PCDH15: variants seen among roughly 807,000 people sequenced by gnomAD.
PCDH15 encodes protocadherin related 15.
In PCDH15, 129 loss-of-function variants were observed where a neutral mutation model predicts 178.5. The observed-to-expected ratio is 0.72, with a 90% CI of 0.63 to 0.84. PCDH15 has a LOEUF of 0.84. Ranked by LOEUF, PCDH15 falls within the 40% of genes least tolerant of loss-of-function variation. The pLI, the probability that PCDH15 is intolerant of heterozygous loss-of-function variation, is 0.00. For missense variants in PCDH15, 2,230 were observed against 2,099.9 expected (o/e 1.06, Z -1.21); for synonymous variants, 800 against 732.0 (o/e 1.09, Z -1.50).
chr10:54,943,864 GA>G (rs397933136), intron 2 of PCDH15, among the ~76,000 whole-genome samples: 66 of 144,852 alleles, frequency 4.6e-4, no homozygotes, highest in East Asian at 1.4e-3. Context: ...TCCTTGGCTA[GA>G]AAAAAAAAAA....
intron 1 of PCDH15, among the ~76,000 whole-genome samples, chr10:55,264,026 C>A (rs10825489): frequency 6.6e-6 from 1 of 152,020 alleles, no homozygotes; most frequent in East Asian, 2.0e-4. Flanking sequence ...GAGCCACCGC[C>A]CCGGGCCTGT....
At chr10:54,864,140 T>A (rs146467277) in intron 3 of PCDH15, among the ~76,000 whole-genome samples, 2 of 152,160 alleles carry the variant, frequency 1.3e-5, no homozygotes, top group African/African-American at 4.8e-5. Context: ...AAATGGCTTA[T>A]CTGTGATATT....
At chr10:54,094,016 A>T (rs1051019101) in intron 15 of PCDH15, among the ~76,000 whole-genome samples, 3 of 152,174 alleles carry the variant, frequency 2.0e-5, no homozygotes, top group Non-Finnish European at 4.4e-5. Context: ...GACAGCAGTT[A>T]TCTTTCTGGG....
chr10:54,087,392 A>T (rs2136023682), intron 16 of PCDH15, among the ~76,000 whole-genome samples: 1 of 152,146 alleles, frequency 6.6e-6, no homozygotes, highest in African/African-American at 2.4e-5. Flanking sequence ...GAAATGAAAT[A>T]ATATAATACG....
At chr10:54,263,454 CA>C (rs536226494) in intron 8 of PCDH15, among the ~76,000 whole-genome samples, 90 of 152,306 alleles carry the variant, frequency 5.9e-4, no homozygotes, top group Non-Finnish European at 1.2e-3. Flanking sequence ...AGAAAGTGTG[CA>C]CTGAAAGAAG....
At chr10:55,484,873 C>T (rs1011147400) in intron 2 of PCDH15, among the ~76,000 whole-genome samples, 1 of 151,606 alleles carries the variant, frequency 6.6e-6, no homozygotes, top group Non-Finnish European at 1.5e-5. Context: ...TTACCATATA[C>T]AAAAATCAAT....
chr10:53,877,770 A>G (rs559461500), intron 26 of PCDH15, among the ~76,000 whole-genome samples: 27 of 151,702 alleles, frequency 1.8e-4, no homozygotes, highest in African/African-American at 5.8e-4. Context: ...GTTTAATCTC[A>G]CCTCCTGGCT....
At chr10:54,431,638 C>T (rs1956980803) in intron 3 of PCDH15, among the ~76,000 whole-genome samples, 1 of 152,160 alleles carries the variant, frequency 6.6e-6, no homozygotes, top group Admixed American at 6.5e-5. Context: ...AACAGACCCA[C>T]AGCTAGTATT....
intron 2 of PCDH15, among the ~76,000 whole-genome samples, chr10:54,571,791 A>G (rs7909851): frequency 0.95 from 144,856 of 152,254 alleles, 69,036 homozygotes; most frequent in Middle Eastern, 0.98. Context: ...CAGCTTAAAA[A>G]AAGCTTTTGT....
chr10:54,609,941 T>C (rs559507592), intron 2 of PCDH15, among the ~76,000 whole-genome samples: 1 of 152,110 alleles, frequency 6.6e-6, no homozygotes, highest in East Asian at 1.9e-4. Flanking sequence ...GTCATTAAAA[T>C]AGTTTCTCTA....
At chr10:54,253,526 A>C (rs934320078) in intron 8 of PCDH15, among the ~76,000 whole-genome samples, 1 of 152,064 alleles carries the variant, frequency 6.6e-6, no homozygotes, top group Non-Finnish European at 1.5e-5. Context: ...ATAATACTTT[A>C]CAAAATATAC....
At chr10:53,967,129 G>C (rs2089119335) in intron 21 of PCDH15, among the ~76,000 whole-genome samples, 1 of 152,098 alleles carries the variant, frequency 6.6e-6, no homozygotes, top group Non-Finnish European at 1.5e-5. Flanking sequence ...AAACATGGGG[G>C]CAGTTACCCT....
chr10:54,207,067 T>C (rs1222215909), intron 10 of PCDH15, among the ~76,000 whole-genome samples: 1 of 152,116 alleles, frequency 6.6e-6, no homozygotes, highest in Non-Finnish European at 1.5e-5. Context: ...CAGTTACAGG[T>C]CACCTTGTGA....
intron 3 of PCDH15, among the ~76,000 whole-genome samples, chr10:54,493,139 G>C (rs2079765612): frequency 6.6e-6 from 1 of 152,100 alleles, no homozygotes; most frequent in Non-Finnish European, 1.5e-5. Context: ...GGGAATTCAA[G>C]ATGAGATTTA....
intron 3 of PCDH15, among the ~76,000 whole-genome samples, chr10:54,505,424 G>T (rs186469462): frequency 1.6e-4 from 24 of 152,202 alleles, no homozygotes; most frequent in Non-Finnish European, 3.4e-4. Context: ...TATCTGTACA[G>T]ATTTGATCAT....
intron 2 of PCDH15, among the ~76,000 whole-genome samples, chr10:55,466,617 T>A (rs900302217): frequency 2.0e-5 from 3 of 151,976 alleles, no homozygotes; most frequent in African/African-American, 7.3e-5. Context: ...AAATAGAAGA[T>A]AAGAAAAATT....
intron 2 of PCDH15, among the ~76,000 whole-genome samples, chr10:55,571,999 C>T (rs1842414607): frequency 6.6e-6 from 1 of 151,894 alleles, no homozygotes; most frequent in Non-Finnish European, 1.5e-5. Context: ...CTGATTGTAA[C>T]AAAAATATCA....
chr10:54,658,622 T>G (rs1003324626), intron 2 of PCDH15, among the ~76,000 whole-genome samples: 5 of 152,130 alleles, frequency 3.3e-5, no homozygotes, highest in Admixed American at 1.3e-4. Flanking sequence ...GACTGGTCCT[T>G]CAAAAAATCC....
intron 3 of PCDH15, among the ~76,000 whole-genome samples, chr10:54,481,055 T>A (rs1234502977): frequency 6.6e-6 from 1 of 151,862 alleles, no homozygotes; most frequent in African/African-American, 2.4e-5. Context: ...TTCTATAATT[T>A]GATATTAAGC....
Sources: gnomAD v4.1 joint callset for allele counts (sites outside exome capture counted in the v4.1 genomes callset) on GRCh38, gnomAD v4.1.1 for gene constraint, MANE v1.5 for transcripts, NCBI Gene and HGNC (gene_info 2026-07-23, HGNC 2026-07-21) for gene names.